Variants in TLR4 observed in about 807,000 individuals in gnomAD.
TLR4 encodes the protein toll like receptor 4.
Under a neutral mutation model 27.4 loss-of-function variants are expected in TLR4, and 17 were observed. The observed-to-expected ratio is 0.62, with a 90% CI of 0.42 to 0.93. The LOEUF (loss-of-function observed/expected upper bound fraction) is 0.93. Ranked by LOEUF, TLR4 falls within the 40% of genes least tolerant of loss-of-function variation. TLR4 has a pLI of 0.00. For missense variants in TLR4, 926 were observed against 962.3 expected (o/e 0.96, Z 0.50); for synonymous variants, 363 against 365.7 (o/e 0.99, Z 0.08).
Position 117,712,467 on chromosome 9 carries a change from C to A in TLR4, c.339C>A (p.Pro113=), listed in dbSNP as rs138924526. 3.1e-6 allele frequency: 5 copies of A among 1,613,864 alleles called. No homozygotes were observed. The highest frequency in any genetic ancestry group is 4.2e-6 in the Non-Finnish European group (5 of 1,179,902). The change falls in exon 3 of 3, where the codon CCC becomes CCA. Residue 113 remains proline, a synonymous_variant. Transcript: ENST00000355622. Reference sequence around the variant, plus strand: ...CTACCTTAATATTGACAGGAAACCCCATCCAGAGTTTAGCCCTGGGAGCCT... The same window carrying A: ...CTACCTTAATATTGACAGGAAACCCAATCCAGAGTTTAGCCCTGGGAGCCT... The part of the protein sequence containing the change: ...HLSTLILTGN[P]IQSLALGAFS...
intron 2 of TLR4, among the ~76,000 whole-genome samples, chr9:117,710,584 C>T (rs1035309820): frequency 6.6e-6 from 1 of 151,978 alleles, no homozygotes; most frequent in Non-Finnish European, 1.5e-5. Context: ...AGGCCAGCTT[C>T]CCTTCTTGTT....
At position 117,713,343 on chromosome 9, in the gene TLR4, T is replaced by G; in HGVS notation, c.1215T>G (p.Asp405Glu). The stretch of plus-strand genomic sequence containing the variant: ...GGACAACCAGCCTAAAGTATTTAGA[T>G]CTGAGCTTCAATGGTGTTATTACCA... Reference protein sequence around the residue: ...DFGTTSLKYLDLSFNGVITMS... With the variant: ...DFGTTSLKYLELSFNGVITMS... Residue 405 changes from aspartate to glutamate, a missense_variant, in exon 3 of 3, where the codon GAT becomes GAG. Coordinates refer to ENST00000355622, the MANE Select transcript of TLR4 (RefSeq NM_138554.5). 6.2e-7 allele frequency: 1 copy of G among 1,614,062 alleles called. No homozygotes were observed. Among genetic ancestry groups the G allele is most frequent in the East Asian group, 2.2e-5 (1 of 44,852 alleles).
intron 2 of TLR4, chr9:117,708,932 G>T (rs1304566132): frequency 1.6e-6 from 1 of 607,168 alleles, no homozygotes; most frequent in African/African-American, 1.9e-5. Flanking sequence ...GAAGTAGGCA[G>T]TTGGCTGAGA....
In TLR4 at chr9:117,717,845, C is replaced by T. The variant is rs924114189; in HGVS notation, c.*3197C>T. The T allele has an allele frequency of 3.3e-5, 5 of 152,030 alleles. No individual in the cohort carries two copies. The highest frequency in any genetic ancestry group is 9.7e-5 in the African/African-American group (4 of 41,394). The allele number at this position is 152,030 out of a possible 1,614,324, so 9.4% of individuals were successfully genotyped here. A position where few individuals can be genotyped will look rare whatever the true frequency, so the allele number is the denominator to read the frequency against. Reference sequence around the variant, plus strand: ...CAGTTCCCTCTCCCAGATGGAAATTCTAGAAATGGCAGGTGAGGTGGACAA... The same window carrying T: ...CAGTTCCCTCTCCCAGATGGAAATTTTAGAAATGGCAGGTGAGGTGGACAA... On this transcript the variant is annotated 3_prime_UTR_variant, in exon 3 of 3. Coordinates refer to ENST00000355622, the MANE Select transcript of TLR4 (RefSeq NM_138554.5).
chr9:117,715,707 G>C lies in TLR4; in HGVS notation c.*1059G>C, dbSNP rs1829334195. 1 of 152,164 alleles carries C rather than the reference G, an allele frequency of 6.6e-6. No homozygotes were observed. Among genetic ancestry groups the C allele is most frequent in the South Asian group, 2.1e-4 (1 of 4,824 alleles). The allele number at this position is 152,164 out of a possible 1,614,324, so 9.4% of individuals were successfully genotyped here. On this transcript the variant is annotated 3_prime_UTR_variant, in exon 3 of 3. Transcript: ENST00000355622. ...AACAAGTGATGTTTGATGGACCTCTGAATCTCTTTAGGGAGACACAGATGG... is the reference window on the plus strand; with the variant it reads ...AACAAGTGATGTTTGATGGACCTCTCAATCTCTTTAGGGAGACACAGATGG...
At chr9:117,705,176 A>C (rs1829116348) in intron 1 of TLR4, among the ~76,000 whole-genome samples, 1 of 152,218 alleles carries the variant, frequency 6.6e-6, no homozygotes, top group African/African-American at 2.4e-5. Context: ...ATGTCAGCTA[A>C]TGCAACAGTT....
intron 2 of TLR4, among the ~76,000 whole-genome samples, chr9:117,710,205 T>G (rs967255787): frequency 6.6e-6 from 1 of 152,070 alleles, no homozygotes; most frequent in African/African-American, 2.4e-5. Flanking sequence ...TTTTCAACCC[T>G]TGCTGCTTTC....
chr9:117,710,222 TC>T (rs1829208416), intron 2 of TLR4, among the ~76,000 whole-genome samples: 1 of 152,006 alleles, frequency 6.6e-6, no homozygotes, highest in Admixed American at 6.6e-5. Flanking sequence ...TTTCTCTCTA[TC>T]CCCTCTCTAG....
At chr9:117,707,287 C>T (rs923390236) in intron 1 of TLR4, among the ~76,000 whole-genome samples, 2 of 152,102 alleles carry the variant, frequency 1.3e-5, no homozygotes, top group Non-Finnish European at 2.9e-5. Flanking sequence ...TCTGACTTTG[C>T]GCATATTACT....
Position 117,713,484 on chromosome 9 carries a change from T to C in TLR4, c.1356T>C (p.Leu452=). Residue 452 remains leucine, a synonymous_variant, in exon 3 of 3, where the codon CTT becomes CTC. Coordinates refer to ENST00000355622, the MANE Select transcript of TLR4 (RefSeq NM_138554.5). The part of the protein sequence containing the change: ...VFLSLRNLIY[L]DISHTHTRVA... ...TATCACTCAGAAACCTCATTTACCT[T>C]GACATTTCTCATACTCACACCAGAG... The C allele has an allele frequency of 6.2e-7, 1 of 1,614,138 alleles. No homozygotes were observed. Among genetic ancestry groups the C allele is most frequent in the African/African-American group, 1.3e-5 (1 of 75,058 alleles).
rs1046557496 is a variant in TLR4 at position 117,711,141 on chromosome 9, A to G, written c.261-1248A>G. On this transcript the variant is annotated intron_variant, in intron 2 of 2. Coordinates refer to ENST00000355622, the MANE Select transcript of TLR4 (RefSeq NM_138554.5). ...GTAGGAGAGGACTGCAGAAACACCAAACCCAAGCTCTTTTGTCCACTCTTC... is the reference window on the plus strand; with the variant it reads ...GTAGGAGAGGACTGCAGAAACACCAGACCCAAGCTCTTTTGTCCACTCTTC... Among the ~76,000 whole-genome samples, 8 of 152,270 alleles carry G rather than the reference A, an allele frequency of 5.3e-5. No homozygotes were observed. In the South Asian group the frequency reaches 1.7e-3, roughly 32 times the overall value.
intron 2 of TLR4, among the ~76,000 whole-genome samples, chr9:117,710,405 G>C (rs1219402292): frequency 6.7e-6 from 1 of 150,006 alleles, no homozygotes; most frequent in Non-Finnish European, 1.5e-5. Context: ...TCAGTTTCCT[G>C]CATGAAAATT....
At position 117,714,416 on chromosome 9, in the gene TLR4, G is replaced by T. The variant is rs5030723; in HGVS notation, c.2288G>T (p.Arg763Leu). ...CAGACCTGGCAGTTTCTGAGCAGTC[G>T]TGCTGGTATCATCTTCATTGTCCTG... ...IAQTWQFLSS[R>L]AGIIFIVLQK... Residue 763 changes from arginine to leucine, a missense_variant, in exon 3 of 3, where the codon CGT becomes CTT. Arg to Leu is a moderately radical substitution (Grantham distance 102). Transcript: ENST00000355622. The T allele has an allele frequency of 5.0e-6, 8 of 1,613,512 alleles. No homozygotes were observed. The highest frequency in any genetic ancestry group is 6.8e-6 in the Non-Finnish European group (8 of 1,179,732).
At chr9:117,706,614 T>C (rs1314476675) in intron 1 of TLR4, among the ~76,000 whole-genome samples, 1 of 152,182 alleles carries the variant, frequency 6.6e-6, no homozygotes, top group East Asian at 1.9e-4. Flanking sequence ...CTGAGTTTGT[T>C]TTCCACTCTT....
rs1829332792 is a variant in TLR4 at position 117,715,647 on chromosome 9, T to A, written c.*999T>A. The A allele has an allele frequency of 6.6e-6, 1 of 152,120 alleles. No homozygotes were observed. Among genetic ancestry groups the A allele is most frequent in the Non-Finnish European group, 1.5e-5 (1 of 68,026 alleles). The allele number at this position is 152,120 out of a possible 1,614,324, so 9.4% of individuals were successfully genotyped here. A position where few individuals can be genotyped will look rare whatever the true frequency, so the allele number is the denominator to read the frequency against. ...GGCTGATAAACCCGGGGTGACCTCA[T>A]GAAATGAGTTGCAGCAGAAGTTTAT... On this transcript the variant is annotated 3_prime_UTR_variant, in exon 3 of 3. Transcript: ENST00000355622.
In TLR4 at chr9:117,704,484, C is replaced by T. The variant is rs1389577268; in HGVS notation, c.12C>T (p.Ala4=). MMS[A]SRLAGTLIPA... is the part of the protein sequence containing the mutation. ...AGGATGATGCCAGGATGATGTCTGC[C>T]TCGCGCCTGGCTGGGACTCTGATCC... Residue 4 remains alanine, a synonymous_variant, in exon 1 of 3, where the codon GCC becomes GCT. Coordinates refer to ENST00000355622, the MANE Select transcript of TLR4 (RefSeq NM_138554.5). 1.2e-6 allele frequency: 2 copies of T among 1,613,334 alleles called. No homozygotes were observed. The highest frequency in any genetic ancestry group is 2.2e-5 in the South Asian group (2 of 91,074).
rs1485724791 is a variant in TLR4, at chr9:117,721,748, G to A, written c.*7100G>A. 1 of 152,086 alleles carries A rather than the reference G, an allele frequency of 6.6e-6. No individual in the cohort carries two copies. Among genetic ancestry groups the A allele is most frequent in the Non-Finnish European group, 1.5e-5 (1 of 68,032 alleles). 9.4% of individuals were successfully genotyped at this position (152,086 alleles called of 1,614,324 possible). A position where few individuals can be genotyped will look rare whatever the true frequency, so the allele number is the denominator to read the frequency against. ...CAGTTTTCGTGCACAGACAGATTTG[G>A]GAATTACTGTTATAATGGAAAATGG... On this transcript the variant is annotated 3_prime_UTR_variant, in exon 3 of 3. Coordinates refer to ENST00000355622, the MANE Select transcript of TLR4 (RefSeq NM_138554.5).
chr9:117,704,462 A>T lies in TLR4; in HGVS notation c.-11A>T, dbSNP rs200716199. On this transcript the variant is annotated 5_prime_UTR_variant, in exon 1 of 3. The change abolishes an upstream ATG in the 5' untranslated region. Coordinates refer to ENST00000355622, the MANE Select transcript of TLR4 (RefSeq NM_138554.5). ...ACTGCTGCTCACAGAAGCAGTGAGG[A>T]TGATGCCAGGATGATGTCTGCCTCG... 19 of 1,611,660 alleles carry T rather than the reference A, an allele frequency of 1.2e-5. No individual in the cohort carries two copies. The highest frequency in any genetic ancestry group is 1.5e-5 in the Non-Finnish European group (18 of 1,179,686).
At position 117,704,461 on chromosome 9, in the gene TLR4, GA is replaced by G. The variant is rs1203560415; in HGVS notation, c.-11del. The G allele has an allele frequency of 6.2e-7, 1 of 1,611,582 alleles. No homozygotes were observed. ...CACTGCTGCTCACAGAAGCAGTGAG[GA>G]TGATGCCAGGATGATGTCTGCCTCG... is the stretch of plus-strand genomic sequence containing the variant. On this transcript the variant is annotated 5_prime_UTR_variant, in exon 1 of 3. It removes an upstream start codon present in the reference 5' UTR. Coordinates refer to ENST00000355622, the MANE Select transcript of TLR4 (RefSeq NM_138554.5).
Sources: allele counts gnomAD v4.1 joint callset (sites outside exome capture counted in the v4.1 genomes callset), GRCh38; gene constraint gnomAD v4.1.1; transcripts MANE v1.5; gene names NCBI Gene and HGNC (gene_info 2026-07-23, HGNC 2026-07-21).